The following SON variants were observed in gnomAD, a reference collection of about 807,000 sequenced individuals.
The protein encoded by SON is SON DNA and RNA binding protein, also known as protein SON.
SON carries 4 observed loss-of-function variants against 173.3 expected under a neutral mutation model. The observed-to-expected ratio is 0.02, with a 90% CI of 0.01 to 0.05. The LOEUF is 0.05. Ranked by LOEUF, SON falls within the 10% of genes least tolerant of loss-of-function variation. The pLI, the probability that SON is intolerant of heterozygous loss-of-function variation, is 1.00. For synonymous variants in SON, 1,190 were observed against 1,105.9 expected (o/e 1.08, Z -1.51); for missense variants, 2,626 against 3,055.3 (o/e 0.86, Z 3.31).
chr21:33,554,020 G>A lies in SON; in HGVS notation c.4789G>A (p.Gly1597Ser). 13 of 1,614,024 alleles carry A rather than the reference G, an allele frequency of 8.1e-6. No homozygotes were observed. The highest frequency in any genetic ancestry group is 1.1e-5 in the Non-Finnish European group (13 of 1,179,984). The change falls in exon 3 of 12, where the codon GGT becomes AGT. Residue 1597 changes from glycine (G) to serine (S), a missense_variant. By Grantham distance (56) the Gly-to-Ser change is moderately conservative (BLOSUM62 0). Transcript: ENST00000356577. ...TGCAGGAGAAACTCTATCTTCTACT[G>A]GTCCTTTTGCTCTGGAACCTGATGC... ...ADAGETLSST[G>S]PFALEPDATG...
rs757329300 is a variant in SON at position 33,551,235 on chromosome 21, C to T, written c.2004C>T (p.Thr668=). Residue 668 remains threonine (T), a synonymous_variant, in exon 3 of 12, where the codon ACC becomes ACT. Coordinates refer to ENST00000356577, the MANE Select transcript of SON (RefSeq NM_138927.4). ...VVTTSELSTM[T]VSQSLEVPST... ...CAACATCGGAGCTGTCAACGATGAC[C>T]GTGTCGCAGTCCCTGGAGGTGCCCT... 1.9e-5 allele frequency: 31 copies of T among 1,613,918 alleles called. No individual in the cohort carries two copies. Among genetic ancestry groups the T allele is most frequent in the African/African-American group, 8.0e-5 (6 of 74,874 alleles).
Position 33,552,371 on chromosome 21 carries a change from G to A in SON, c.3140G>A (p.Arg1047His), listed in dbSNP as rs769356736. 2.5e-6 allele frequency: 4 copies of A among 1,613,760 alleles called. No individual in the cohort carries two copies. Among genetic ancestry groups the A allele is most frequent in the South Asian group, 2.2e-5 (2 of 91,054 alleles). ...YERSMMSAYE[R>H]SMMSPMAERS... ...CGCTCTATGATGTCAGCCTACGAGC[G>A]CTCTATGATGTCCCCTATGGCTGAG... is the stretch of plus-strand genomic sequence containing the variant. Residue 1047 changes from arginine to histidine, a missense_variant, in exon 3 of 12, where the codon CGC (arginine) becomes CAC (histidine). Around this residue, in one of 13 missense-constraint regions of SON, gnomAD observed 366 missense variants for 448.6 expected, o/e 0.82. Coordinates refer to ENST00000356577, the MANE Select transcript of SON (RefSeq NM_138927.4). The surrounding 1 kb of genome is among the most constrained non-coding windows in gnomAD (Gnocchi z 5.6).
chr21:33,544,194 A>C (rs1000673494), intron 1 of SON, among the ~76,000 whole-genome samples: 1 of 152,254 alleles, frequency 6.6e-6, no homozygotes, highest in Non-Finnish European at 1.5e-5. Context: ...GTAAGTGCCC[A>C]AAGTAATACA....
chr21:33,548,093 T>C (rs2085665653), intron 2 of SON, among the ~76,000 whole-genome samples: 1 of 150,886 alleles, frequency 6.6e-6, no homozygotes, highest in African/African-American at 2.4e-5. Context: ...TTATCTAATT[T>C]GATATTGGCA....
intron 8 of SON, among the ~76,000 whole-genome samples, chr21:33,570,537 GAATA>G (rs1274327337): frequency 6.6e-6 from 1 of 152,128 alleles, no homozygotes; most frequent in African/African-American, 2.4e-5. Flanking sequence ...GTTGGTGTTA[GAATA>G]AAGGGTGAAA....
In SON at chr21:33,549,760, T is replaced by A. The variant is rs756215086; in HGVS notation, c.529T>A (p.Ser177Thr). 6.2e-7 allele frequency: 1 copy of A among 1,614,204 alleles called. No homozygotes were observed. The highest frequency in any genetic ancestry group is 1.1e-5 in the South Asian group (1 of 91,092). ...LELPTRAFGP[S>T]ETNESPAVVL... ...GCTTCCTACAAGAGCATTTGGCCCA[T>A]CTGAGACCAATGAATCCCCTGCAGT... Residue 177 changes from serine to threonine, a missense_variant, in exon 3 of 12, where the codon TCT becomes ACT. This residue lies in a region of SON where 757 missense variants were observed against 730.1 expected (regional missense o/e 1.04). Coordinates refer to ENST00000356577, the MANE Select transcript of SON (RefSeq NM_138927.4).
chr21:33,569,729 T>C (rs1039427410), intron 8 of SON: 1 of 358,326 alleles, frequency 2.8e-6, no homozygotes, highest in Non-Finnish European at 5.7e-6. Context: ...GCCATGGGAC[T>C]GGAAGCCTGA....
chr21:33,546,485 A>C, intron 2 of SON, 106 bp downstream of exon 2: 1 of 965,134 alleles, frequency 1.0e-6, no homozygotes, highest in Admixed American at 2.8e-5. Flanking sequence ...TATTTATTAA[A>C]TTAAAAACTT....
chr21:33,570,673 G>A (rs2086265073), intron 8 of SON, among the ~76,000 whole-genome samples: 1 of 152,104 alleles, frequency 6.6e-6, no homozygotes, highest in South Asian at 2.1e-4. Flanking sequence ...AACTATAAAT[G>A]TACATCTATT....
rs756550246 is a variant in SON at position 33,552,747 on chromosome 21, T to A, written c.3516T>A (p.Pro1172=). 1.2e-6 allele frequency: 2 copies of A among 1,613,856 alleles called. No homozygotes were observed. Among genetic ancestry groups the A allele is most frequent in the Admixed American group, 3.3e-5 (2 of 60,016 alleles). Residue 1172 remains proline, a synonymous_variant, in exon 3 of 12, where the codon CCT becomes CCA. Transcript: ENST00000356577. This position sits in a 1 kb window ranked among gnomAD's most constrained non-coding sequence, Gnocchi z 5.6. The stretch of plus-strand genomic sequence containing the variant: ...AGCCACCAATGACACCACCATTGCC[T>A]CCTGAGGAACCACCAGAGGGTCCAG... ...PEEPPMTPPL[P]PEEPPEGPAL...
At position 33,554,985 on chromosome 21, in the gene SON, T is replaced by G; in HGVS notation, c.5754T>G (p.Val1918=). The change falls in exon 3 of 12, where the codon GTT becomes GTG. Residue 1918 remains valine, a synonymous_variant. Transcript: ENST00000356577. ...GCTCCAGGGATAACCGAAAGACAGT[T>G]AGAGCTCGAAGTCGAACCCCAAGTC... ...RSSSRDNRKT[V]RARSRTPSRR... 1 of 1,613,626 alleles carries G rather than the reference T, an allele frequency of 6.2e-7. No homozygotes were observed. The highest frequency in any genetic ancestry group is 8.5e-7 in the Non-Finnish European group (1 of 1,179,978).
In SON at chr21:33,553,882, T is replaced by A; in HGVS notation, c.4651T>A (p.Cys1551Ser). 6.2e-7 allele frequency: 1 copy of A among 1,614,106 alleles called. No individual in the cohort carries two copies. Among genetic ancestry groups the A allele is most frequent in the Non-Finnish European group, 8.5e-7 (1 of 1,179,994 alleles). The change falls in exon 3 of 12, where the codon TGT becomes AGT. Residue 1551 changes from cysteine (C) to serine (S), a missense_variant. This residue lies in a region of SON where 1,006 missense variants were observed against 895.6 expected (regional missense o/e 1.12). Coordinates refer to ENST00000356577, the MANE Select transcript of SON (RefSeq NM_138927.4). Reference protein sequence around the residue: ...IAKEMEHNTVCAAGTSPVGEI... With the variant: ...IAKEMEHNTVSAAGTSPVGEI... ...TAAAGAGATGGAACATAATACAGTG[T>A]GTGCTGCTGGTACTAGTCCTGTTGG...
Position 33,553,792 on chromosome 21 carries a change from G to A in SON, c.4561G>A (p.Gly1521Ser), listed in dbSNP as rs1418094145. The change falls in exon 3 of 12, where the codon GGT becomes AGT. Residue 1521 changes from glycine (G) to serine (S), a missense_variant. Transcript: ENST00000356577. ...EEPHAEEHLKGDFYESEHGIN... is the reference protein window; with the variant it reads ...EEPHAEEHLKSDFYESEHGIN... ...ACCACATGCTGAGGAACACCTGAAA[G>A]GTGACTTTTACGAAAGTGAACATGG... The A allele has an allele frequency of 1.2e-6, 2 of 1,613,938 alleles. No homozygotes were observed. Among genetic ancestry groups the A allele is most frequent in the East Asian group, 2.2e-5 (1 of 44,896 alleles).
rs748426205 is a variant in SON at position 33,549,614 on chromosome 21, A to T, written c.383A>T (p.Lys128Ile). The change falls in exon 3 of 12, where the codon AAA becomes ATA. Residue 128 changes from lysine to isoleucine, a missense_variant. Physicochemically the swap from Lys to Ile is moderately radical, Grantham distance 102 (BLOSUM62 -3). This residue lies in a region of SON where 757 missense variants were observed against 730.1 expected (regional missense o/e 1.04). Coordinates refer to ENST00000356577, the MANE Select transcript of SON (RefSeq NM_138927.4). ...KKKKKKEKEKKYKRQPEESES... is the reference protein window; with the variant it reads ...KKKKKKEKEKIYKRQPEESES... ...AAAAAGAAGAAAGAAAAGGAAAAAAAATATAAAAGACAGCCAGAAGAATCT... is the reference window on the plus strand; with the variant it reads ...AAAAAGAAGAAAGAAAAGGAAAAAATATATAAAAGACAGCCAGAAGAATCT... 13 of 1,598,100 alleles carry T rather than the reference A, an allele frequency of 8.1e-6. No homozygotes were observed. Among genetic ancestry groups the T allele is most frequent in the Admixed American group, 5.3e-5 (3 of 56,210 alleles).
At position 33,560,183 on chromosome 21, in the gene SON, A is replaced by G. The variant is rs199929837; in HGVS notation, c.6657+408A>G. ...CGGAGAGGGCAGATCCTCAGGTTCA[A>G]CACAAGAACTGGATTGGAAAAGGTC... On this transcript the variant is annotated intron_variant, in intron 6 of 11. Transcript: ENST00000356577. The G allele has an allele frequency of 1.8e-5, 28 of 1,568,630 alleles. No individual in the cohort carries two copies. In the African/African-American group the frequency reaches 1.9e-4, roughly 11 times the overall value.
In SON at chr21:33,552,940, C is replaced by A. The variant is rs1189098873; in HGVS notation, c.3709C>A (p.Pro1237Thr). Residue 1237 changes from proline (P) to threonine (T), a missense_variant, in exon 3 of 12, where the codon CCC becomes ACC. Pro to Thr is a conservative substitution (Grantham distance 38, BLOSUM62 -1). Transcript: ENST00000356577. The surrounding 1 kb of genome is among the most constrained non-coding windows in gnomAD (Gnocchi z 5.6). ...PTDYSVSASDPSVLVSEAAVT... is the reference protein window; with the variant it reads ...PTDYSVSASDTSVLVSEAAVT... The stretch of plus-strand genomic sequence containing the variant: ...TGATTATTCAGTGTCAGCATCAGAT[C>A]CCTCAGTTTTAGTATCAGAGGCTGC... 1 of 1,614,152 alleles carries A rather than the reference C, an allele frequency of 6.2e-7. No homozygotes were observed. The highest frequency in any genetic ancestry group is 1.7e-5 in the Admixed American group (1 of 60,028).
At chr21:33,548,743 T>C (rs2085682240) in intron 2 of SON, among the ~76,000 whole-genome samples, 1 of 152,252 alleles carries the variant, frequency 6.6e-6, no homozygotes, top group Non-Finnish European at 1.5e-5. Context: ...TTGCTTCCTG[T>C]ATAAACAAGG....
chr21:33,546,550 TG>T lies in SON; in HGVS notation c.244+174del, dbSNP rs1435970270. 5.9e-5 allele frequency: 27 copies of T among 455,280 alleles called. 1 individual carries two copies. The highest frequency in any genetic ancestry group is 1.0e-4 in the Non-Finnish European group (27 of 263,816). 28.2% of individuals were successfully genotyped at this position (455,280 alleles called of 1,614,324 possible). On this transcript the variant is annotated intron_variant, in intron 2 of 11. Coordinates refer to ENST00000356577, the MANE Select transcript of SON (RefSeq NM_138927.4). ...ATCCCAGCACTTTGGGAGGCTGAGGTGGGTGGATCACCTGAGGTCAGGAGTT... is the reference window on the plus strand; with the variant it reads ...ATCCCAGCACTTTGGGAGGCTGAGGTGGTGGATCACCTGAGGTCAGGAGTT...
intron 8 of SON, among the ~76,000 whole-genome samples, chr21:33,570,562 C>G (rs1269060175): frequency 6.6e-6 from 1 of 151,974 alleles, no homozygotes; most frequent in African/African-American, 2.4e-5. Context: ...ATGTATATAG[C>G]AAAATATTTT....
Sources: allele counts gnomAD v4.1 joint callset (sites outside exome capture counted in the v4.1 genomes callset), GRCh38; gene constraint gnomAD v4.1.1; regional missense constraint gnomAD v4.1.1; non-coding constraint Gnocchi (gnomAD v3.1); transcripts MANE v1.5; gene names NCBI Gene and HGNC (gene_info 2026-07-23, HGNC 2026-07-21).